GYG1: variants seen among roughly 807,000 people sequenced by gnomAD.
GYG1 encodes the protein glycogenin-1.
A neutral mutation model predicts 41.9 loss-of-function variants in GYG1; 44 were observed. The ratio of observed to expected loss-of-function variants is 1.05; its 90% CI spans 0.83 to 1.35. The LOEUF (loss-of-function observed/expected upper bound fraction) is 1.35, where lower values mean the gene tolerates loss of function less well. Ranked by LOEUF, GYG1 falls within the 40% of genes most tolerant of loss-of-function variation. GYG1 has a pLI of 0.00. For missense variants in GYG1, 429 were observed against 418.9 expected, an observed-to-expected ratio of 1.02 and a Z score of -0.21; for synonymous variants, 141 against 158.1, an observed-to-expected ratio of 0.89 and a Z score of 0.81.
At chr3:149,019,821 G>C (rs1329847958) in intron 5 of GYG1, among the ~76,000 whole-genome samples, 1 of 152,242 alleles carries the variant, frequency 6.6e-6, no homozygotes, top group Non-Finnish European at 1.5e-5. Context: ...AGGCCATATG[G>C]AGAGGTATTT....
chr3:149,019,068 TAAAA>T (rs67695680), intron 5 of GYG1, among the ~76,000 whole-genome samples: 14 of 119,088 alleles, frequency 1.2e-4, no homozygotes, highest in South Asian at 1.1e-3. Flanking sequence ...GACACTGTCT[TAAAA>T]AAAAAAAAAA....
chr3:149,029,263 T>C lies in GYG1; in HGVS notation c.*2330T>C, dbSNP rs948959520. On this transcript the variant is annotated 3_prime_UTR_variant, in exon 8 of 8. Transcript: ENST00000345003. The stretch of plus-strand genomic sequence containing the variant: ...GGAGTCCAGAATACTAAGGGTTACT[T>C]AGTAAAATGTATAAAAAGGCAACAG... 4.6e-5 allele frequency among the ~76,000 whole-genome samples: 7 copies of C among 152,194 alleles called. No individual in the cohort carries two copies. The highest frequency in any genetic ancestry group is 1.4e-4 in the African/African-American group (6 of 41,456).
rs1289834613 is a variant in GYG1, at chr3:149,028,997, G to A, written c.*2064G>A. On this transcript the variant is annotated 3_prime_UTR_variant, in exon 8 of 8. Coordinates refer to ENST00000345003, the MANE Select transcript of GYG1 (RefSeq NM_004130.4). ...CTCCCAAAGTGCTGGGATTACAGGCGTGAGCCACTGCACCCAGCAAATTTT... is the reference window on the plus strand; with the variant it reads ...CTCCCAAAGTGCTGGGATTACAGGCATGAGCCACTGCACCCAGCAAATTTT... Among the ~76,000 whole-genome samples, 2 of 152,162 alleles carry A rather than the reference G, an allele frequency of 1.3e-5. No homozygotes were observed. Among genetic ancestry groups the A allele is most frequent in the Non-Finnish European group, 2.9e-5 (2 of 68,038 alleles).
intron 6 of GYG1, among the ~76,000 whole-genome samples, chr3:149,025,698 C>G (rs1714614025): frequency 6.6e-6 from 1 of 152,046 alleles, no homozygotes; most frequent in Non-Finnish European, 1.5e-5. Context: ...AGTCAAGCAG[C>G]AGAATGGGCC....
intron 5 of GYG1, among the ~76,000 whole-genome samples, chr3:149,015,148 T>TG (rs35855492): frequency 6.6e-6 from 1 of 152,044 alleles, no homozygotes; most frequent in Non-Finnish European, 1.5e-5. Flanking sequence ...GGAAAGAACA[T>TG]GGGGGAAGCA....
rs943120488 is a variant in GYG1 at position 149,031,167 on chromosome 3, AAG to A, written c.*4236_*4237del. Reference sequence around the variant, plus strand: ...CTTATTAACAAAAAAGTAAAAAAAAAAGAAAAGAAAAAAGATGACTAATTCTA... The same window carrying A: ...CTTATTAACAAAAAAGTAAAAAAAAAAAAAGAAAAAAGATGACTAATTCTA... On this transcript the variant is annotated 3_prime_UTR_variant, in exon 8 of 8. Transcript: ENST00000345003. 5.6e-4 allele frequency: 85 copies of A among 152,630 alleles called. No homozygotes were observed. The highest frequency in any genetic ancestry group is 2.6e-4 in the Admixed American group (4 of 15,306). The allele number at this position is 152,630 out of a possible 1,614,324, so 9.5% of individuals were successfully genotyped here. A position where few individuals can be genotyped will look rare whatever the true frequency, so the allele number is the denominator to read the frequency against.
At chr3:149,026,380 G>C in intron 6 of GYG1, 72 bp from the exon 7 acceptor site, 1 of 936,222 alleles carries the variant, frequency 1.1e-6, no homozygotes, top group Non-Finnish European at 1.8e-6. Context: ...AGCCCACACA[G>C]ATTGAGAATT....
Position 149,011,767 on chromosome 3 carries a change from C to G in GYG1, c.608+2365C>G, listed in dbSNP as rs557159279. On this transcript the variant is annotated intron_variant, in intron 5 of 7. Coordinates refer to ENST00000345003, the MANE Select transcript of GYG1 (RefSeq NM_004130.4). ...CAGGATGGTTTTCTTCTTCCTGGCTCAATGAATGAGTGCTAATTTTGGAAA... is the reference window on the plus strand; with the variant it reads ...CAGGATGGTTTTCTTCTTCCTGGCTGAATGAATGAGTGCTAATTTTGGAAA... 2.4e-4 allele frequency among the ~76,000 whole-genome samples: 37 copies of G among 152,228 alleles called. 1 individual carries two copies. In the South Asian group the frequency reaches 7.7e-3, roughly 32 times the overall value.
At chr3:149,025,311 A>T (rs1031376785) in intron 6 of GYG1, among the ~76,000 whole-genome samples, 1 of 152,162 alleles carries the variant, frequency 6.6e-6, no homozygotes, top group Non-Finnish European at 1.5e-5. Context: ...GATCCGTTGC[A>T]TGCACAGTTT....
intron 5 of GYG1, among the ~76,000 whole-genome samples, chr3:149,020,866 A>C (rs1043480966): frequency 2.0e-5 from 3 of 152,026 alleles, no homozygotes; most frequent in Non-Finnish European, 4.4e-5. Flanking sequence ...TTGAGTCAGG[A>C]GGGGTGGGCG....
chr3:149,014,446 G>T (rs1242693085), intron 5 of GYG1, among the ~76,000 whole-genome samples: 1 of 152,138 alleles, frequency 6.6e-6, no homozygotes, highest in Non-Finnish European at 1.5e-5. Flanking sequence ...GTCGAAGAGG[G>T]AGCTCATGGG....
intron 4 of GYG1, among the ~76,000 whole-genome samples, chr3:149,003,043 A>G (rs1334089079): frequency 6.6e-6 from 1 of 152,104 alleles, no homozygotes; most frequent in East Asian, 1.9e-4. Flanking sequence ...ATAGATAGAT[A>G]GAAGTGAGTC....
At chr3:149,016,300 C>G (rs2107911944) in intron 5 of GYG1, among the ~76,000 whole-genome samples, 1 of 149,726 alleles carries the variant, frequency 6.7e-6, no homozygotes, top group East Asian at 1.9e-4. Context: ...AAAAAAAGAG[C>G]CAGGACAGTT....
chr3:148,991,665 G>A lies in GYG1; in HGVS notation c.7+18G>A. On this transcript the variant is annotated intron_variant, in intron 1 of 7. Coordinates refer to ENST00000345003, the MANE Select transcript of GYG1 (RefSeq NM_004130.4). ...CATGACAGGTACCGCCGCGCAGCCC[G>A]CCGCCGCCAGCCCCGGGACCCCGGC... 2 of 1,513,202 alleles carry A rather than the reference G, an allele frequency of 1.3e-6. No individual in the cohort carries two copies. Among genetic ancestry groups the A allele is most frequent in the South Asian group, 1.2e-5 (1 of 82,566 alleles). 93.7% of individuals were successfully genotyped at this position (1,513,202 alleles called of 1,614,324 possible). A position where few individuals can be genotyped will look rare whatever the true frequency, so the allele number is the denominator to read the frequency against.
chr3:148,992,211 G>C (rs1342340684), intron 1 of GYG1, among the ~76,000 whole-genome samples: 2 of 152,270 alleles, frequency 1.3e-5, no homozygotes, highest in Non-Finnish European at 2.9e-5. Flanking sequence ...GCGTCCCCGG[G>C]CGCGAGCCCC....
At chr3:149,026,570 CTTCA>C in intron 7 of GYG1, 68 bp downstream of exon 7, 1 of 1,102,124 alleles carries the variant, frequency 9.1e-7, no homozygotes, top group Non-Finnish European at 1.4e-6. Context: ...GTCAAGAAGT[CTTCA>C]TTTTGTTAGG....
chr3:149,024,272 G>C lies in GYG1; in HGVS notation c.828G>C (p.Val276=). ...AAGACACCTGCTCATATGTAAATGT[G>C]GTAGGTTCTGTTTCTTTTCTTCAGA... is the stretch of plus-strand genomic sequence containing the variant. ...LVKDTCSYVN[V]LSDLVYTLAF... is the part of the protein sequence containing the mutation. The change falls in exon 6 of 8, where the codon GTG becomes GTC. Residue 276 remains valine, a splice_region_variant and synonymous_variant. Coordinates refer to ENST00000345003, the MANE Select transcript of GYG1 (RefSeq NM_004130.4). 6.4e-7 allele frequency: 1 copy of C among 1,566,580 alleles called. No homozygotes were observed. The highest frequency in any genetic ancestry group is 8.8e-7 in the Non-Finnish European group (1 of 1,136,758).
chr3:148,995,158 C>T (rs951813831), intron 2 of GYG1, among the ~76,000 whole-genome samples: 7 of 152,110 alleles, frequency 4.6e-5, no homozygotes, highest in African/African-American at 1.7e-4. Context: ...TGCAGTAAGC[C>T]GAGATTGTGC....
At chr3:149,012,377 G>T (rs2107906814) in intron 5 of GYG1, among the ~76,000 whole-genome samples, 1 of 152,262 alleles carries the variant, frequency 6.6e-6, no homozygotes, top group East Asian at 1.9e-4. Flanking sequence ...CCATGGAGTG[G>T]TCTGGAGCAA....
Sources: allele counts gnomAD v4.1 joint callset (sites outside exome capture counted in the v4.1 genomes callset), GRCh38; gene constraint gnomAD v4.1.1; transcripts MANE v1.5; gene names NCBI Gene and HGNC (gene_info 2026-07-23, HGNC 2026-07-21).